ADCY5: variants seen among roughly 807,000 people sequenced by gnomAD.
ADCY5 encodes the protein adenylate cyclase 5, also known as adenylate cyclase type 5.
ADCY5 carries 30 observed loss-of-function variants against 119.7 expected under a neutral mutation model. The ratio of observed to expected loss-of-function variants is 0.25; its 90% CI spans 0.19 to 0.34. The LOEUF (loss-of-function observed/expected upper bound fraction) is 0.34. ADCY5 is among the 10% of genes least tolerant of loss of function. ADCY5 has a pLI of 1.00. For missense variants in ADCY5, 1,324 were observed against 1,775.2 expected, an observed-to-expected ratio of 0.75 and a Z score of 4.57; for synonymous variants, 753 against 762.2, an observed-to-expected ratio of 0.99 and a Z score of 0.20.
chr3:123,291,450 C>T (rs1225770563), intron 17 of ADCY5, 74 bp from the exon 18 acceptor site: 19 of 1,532,752 alleles, frequency 1.2e-5, no homozygotes, highest in Non-Finnish European at 1.7e-5. Flanking sequence ...CTCCTCCTCT[C>T]CGTGGCCTGG....
In ADCY5 at chr3:123,300,232, T is replaced by A. The variant is rs1939764976; in HGVS notation, c.2788A>T (p.Ile930Phe). 3 of 1,613,636 alleles carry A rather than the reference T, an allele frequency of 1.9e-6. No homozygotes were observed. ...GCCAGCATGAGCACCAGCTTCCCGA[T>A]GCAGCTGATCTGCAGGAACACGGAG... is the stretch of plus-strand genomic sequence containing the variant. ...ACSVFLQISC[I>F]GKLVLMLAIE... The change falls in exon 15 of 21, where the codon ATC (isoleucine) becomes TTC (phenylalanine). Residue 930 changes from isoleucine (I) to phenylalanine (F), a missense_variant. Ile to Phe is a conservative substitution (Grantham distance 21, BLOSUM62 0). Transcript: ENST00000462833.
intron 1 of ADCY5, among the ~76,000 whole-genome samples, chr3:123,389,323 C>T (rs1043300668): frequency 4.6e-5 from 7 of 152,114 alleles, no homozygotes; most frequent in Non-Finnish European, 8.8e-5. Flanking sequence ...TCAGAAGATC[C>T]TTGCCAAAAT....
At chr3:123,411,127 C>A (rs1945033920) in intron 1 of ADCY5, among the ~76,000 whole-genome samples, 1 of 152,168 alleles carries the variant, frequency 6.6e-6, no homozygotes, top group East Asian at 1.9e-4. Flanking sequence ...CTGTTTCAGT[C>A]TGCCAGAAAG....
chr3:123,374,493 G>A (rs577858544), intron 1 of ADCY5, among the ~76,000 whole-genome samples: 23 of 152,182 alleles, frequency 1.5e-4, no homozygotes, highest in Non-Finnish European at 2.6e-4. Context: ...TGGGCTGGGT[G>A]TAATTAGAAT....
chr3:123,381,920 C>T (rs897968354), intron 1 of ADCY5, among the ~76,000 whole-genome samples: 1 of 152,202 alleles, frequency 6.6e-6, no homozygotes, highest in African/African-American at 2.4e-5. Flanking sequence ...TGCTTAAACC[C>T]TGCAATAGCT....
rs60966110 is a variant in ADCY5, at chr3:123,310,103, T to TACACACACACACACACACACAC, written c.2442+4110_2442+4131dup. 2.4e-3 allele frequency among the ~76,000 whole-genome samples: 294 copies of TACACACACACACACACACACAC among 121,198 alleles called. 11 individuals are homozygous for TACACACACACACACACACACAC. In the East Asian group the frequency reaches 0.038, roughly 16 times the overall value. 79.5% of individuals were successfully genotyped at this position (121,198 alleles called of 152,430 possible). On this transcript the variant is annotated intron_variant, in intron 12 of 20. Coordinates refer to ENST00000462833, the MANE Select transcript of ADCY5 (RefSeq NM_183357.3). Reference sequence around the variant, plus strand: ...GGCTGGGGGATAAGAGAGAGAGATTTACACACACACACACACACACACACA... The same window carrying TACACACACACACACACACACAC: ...GGCTGGGGGATAAGAGAGAGAGATTTACACACACACACACACACACACACACACACACACACACACACACACA...
intron 1 of ADCY5, among the ~76,000 whole-genome samples, chr3:123,408,346 T>G (rs9861119): frequency 0.31 from 41,752 of 133,128 alleles, 5,709 homozygotes; most frequent in East Asian, 0.44. Flanking sequence ...ACGTTTTTTG[T>G]TTTTTTTTTT....
intron 1 of ADCY5, among the ~76,000 whole-genome samples, chr3:123,431,351 C>T (rs913355235): frequency 6.6e-6 from 1 of 152,142 alleles, no homozygotes; most frequent in Admixed American, 6.6e-5. Flanking sequence ...AGAAGGATCA[C>T]TTCAGCCCAG....
chr3:123,392,332 G>GT (rs151254191), intron 1 of ADCY5, among the ~76,000 whole-genome samples: 2 of 152,134 alleles, frequency 1.3e-5, no homozygotes, highest in Non-Finnish European at 2.9e-5. Flanking sequence ...ATGTGAGCAA[G>GT]TTTTTTTCTT....
intron 1 of ADCY5, among the ~76,000 whole-genome samples, chr3:123,359,880 C>T (rs1379519725): frequency 6.6e-6 from 1 of 152,136 alleles, no homozygotes; most frequent in African/African-American, 2.4e-5. Flanking sequence ...CTTCCTTCCT[C>T]CTACACTGGA....
intron 17 of ADCY5, 59 bp from the exon 18 acceptor site, chr3:123,291,435 T>G: frequency 6.4e-7 from 1 of 1,553,980 alleles, no homozygotes; most frequent in Non-Finnish European, 8.7e-7. Flanking sequence ...TGTCGGCCCC[T>G]CCACCTCCTC....
rs780547615 is a variant in ADCY5, at chr3:123,447,498, C to A, written c.1048G>T (p.Ala350Ser). The change falls in exon 1 of 21, where the codon GCA becomes TCA. Residue 350 changes from alanine to serine, a missense_variant. This residue lies in a region of ADCY5 where 585 missense variants were observed against 569.9 expected (regional missense o/e 1.03). Coordinates refer to ENST00000462833, the MANE Select transcript of ADCY5 (RefSeq NM_183357.3). ...GACAGGAGCACCCCGCTGAGCACTG[C>A]GGCCCGCATGCGCACGGGCAGCAGC... ...YTLLPVRMRA[A>S]VLSGVLLSAL... 1.9e-6 allele frequency: 3 copies of A among 1,611,636 alleles called. No individual in the cohort carries two copies. Among genetic ancestry groups the A allele is most frequent in the Non-Finnish European group, 2.5e-6 (3 of 1,179,520 alleles).
chr3:123,322,102 G>T (rs1057402238), intron 8 of ADCY5, among the ~76,000 whole-genome samples: 1 of 152,194 alleles, frequency 6.6e-6, no homozygotes, highest in Non-Finnish European at 1.5e-5. Context: ...CCTCTGGGGG[G>T]CAGGCCCGTG....
At chr3:123,382,043 G>A (rs960811434) in intron 1 of ADCY5, among the ~76,000 whole-genome samples, 1 of 152,086 alleles carries the variant, frequency 6.6e-6, no homozygotes, top group Non-Finnish European at 1.5e-5. Context: ...GGGCCCCCCT[G>A]TTGTCCCTCT....
chr3:123,295,534 C>T (rs1939444683), intron 17 of ADCY5, among the ~76,000 whole-genome samples: 1 of 152,234 alleles, frequency 6.6e-6, no homozygotes, highest in African/African-American at 2.4e-5. Context: ...GGAATGCATG[C>T]ATCATGGTCA....
chr3:123,316,349 A>T (rs965513256), intron 11 of ADCY5, among the ~76,000 whole-genome samples: 3 of 152,208 alleles, frequency 2.0e-5, no homozygotes, highest in Non-Finnish European at 4.4e-5. Context: ...AATCAACTAC[A>T]TGCGACATGG....
chr3:123,413,577 C>T (rs1376449285), intron 1 of ADCY5, among the ~76,000 whole-genome samples: 1 of 152,238 alleles, frequency 6.6e-6, no homozygotes, highest in East Asian at 1.9e-4. Context: ...AAACAAATCC[C>T]AGAGCAGTGA....
At chr3:123,305,991 C>T (rs1489043289) in intron 12 of ADCY5, among the ~76,000 whole-genome samples, 1 of 152,190 alleles carries the variant, frequency 6.6e-6, no homozygotes, top group Non-Finnish European at 1.5e-5. Context: ...CCTGGGACTC[C>T]ATCTCCCCAG....
chr3:123,298,517 C>T (rs990326792), intron 15 of ADCY5, among the ~76,000 whole-genome samples: 1 of 152,208 alleles, frequency 6.6e-6, no homozygotes, highest in Admixed American at 6.5e-5. Flanking sequence ...TCCACTGTCC[C>T]ATCTCTTTGT....
Sources: gnomAD v4.1 joint callset for allele counts (sites outside exome capture counted in the v4.1 genomes callset) on GRCh38, gnomAD v4.1.1 for gene constraint, gnomAD v4.1.1 regional missense constraint, MANE v1.5 for transcripts, NCBI Gene and HGNC (gene_info 2026-07-23, HGNC 2026-07-21) for gene names.